Variants in DLG2 observed in about 807,000 individuals in gnomAD.
The protein encoded by DLG2 is discs large MAGUK scaffold protein 2, also known as disks large homolog 2.
DLG2 carries 45 observed loss-of-function variants against 132.5 expected under a neutral mutation model. The ratio of observed to expected loss-of-function variants is 0.34; its 90% CI spans 0.27 to 0.44. DLG2 has a LOEUF of 0.44. DLG2 is among the 20% of genes least tolerant of loss of function. DLG2 has a pLI of 1.00. For missense variants in DLG2, 1,045 were observed against 1,196.9 expected, an observed-to-expected ratio of 0.87 and a Z score of 1.87; for synonymous variants, 424 against 419.6, an observed-to-expected ratio of 1.01 and a Z score of -0.13.
At chr11:84,482,259 A>G (rs988565119) in intron 7 of DLG2, among the ~76,000 whole-genome samples, 1 of 152,202 alleles carries the variant, frequency 6.6e-6, no homozygotes, top group Non-Finnish European at 1.5e-5. Flanking sequence ...TCTTTAAAGC[A>G]GCTGCTTGCC....
intron 6 of DLG2, among the ~76,000 whole-genome samples, chr11:84,897,816 T>TA (rs2090398640): frequency 6.6e-6 from 1 of 151,992 alleles, no homozygotes; most frequent in East Asian, 1.9e-4. Context: ...GCATTTAAGG[T>TA]AATTTAACAC....
At chr11:85,379,989 C>A (rs1376701172) in intron 3 of DLG2, among the ~76,000 whole-genome samples, 1 of 152,134 alleles carries the variant, frequency 6.6e-6, no homozygotes, top group African/African-American at 2.4e-5. Context: ...AGATGAACAT[C>A]ATTTCCTATT....
In DLG2 at chr11:84,282,272, T is replaced by G. The variant is rs78348681; in HGVS notation, c.520-30981A>C. ...GGACAAACAAAAAGTACATACTATA[T>G]GATCTCACTTATATAAAATTATAGA... On this transcript the variant is annotated intron_variant, in intron 7 of 27. Transcript: ENST00000376104. Among the ~76,000 whole-genome samples, 394 of 152,314 alleles carry G rather than the reference T, an allele frequency of 2.6e-3. 1 individual carries two copies. Among genetic ancestry groups the G allele is most frequent in the African/African-American group, 9.0e-3 (374 of 41,568 alleles).
chr11:84,528,379 T>C (rs185693942), intron 7 of DLG2, among the ~76,000 whole-genome samples: 28 of 152,270 alleles, frequency 1.8e-4, no homozygotes, highest in African/African-American at 6.7e-4. Flanking sequence ...GCCCATCCTA[T>C]CACTTAGGCA....
intron 10 of DLG2, among the ~76,000 whole-genome samples, chr11:84,080,792 G>A (rs753684773): frequency 4.4e-4 from 67 of 152,086 alleles, no homozygotes; most frequent in Non-Finnish European, 2.6e-4. Flanking sequence ...TGGAGTTCCA[G>A]ACCAGCCTGG....
chr11:83,787,941 G>A (rs2040470229), intron 17 of DLG2, among the ~76,000 whole-genome samples: 2 of 152,230 alleles, frequency 1.3e-5, no homozygotes, highest in South Asian at 4.1e-4. Flanking sequence ...GGGACAATGA[G>A]TGGAGCACAA....
chr11:84,923,088 T>G (rs1239594356), intron 6 of DLG2: 1 of 1,613,912 alleles, frequency 6.2e-7, no homozygotes, highest in Non-Finnish European at 8.5e-7. Flanking sequence ...TTCACGTTAG[T>G]CCGGAGTGCA....
intron 7 of DLG2, among the ~76,000 whole-genome samples, chr11:84,511,765 G>A (rs576975536): frequency 2.2e-4 from 34 of 152,108 alleles, no homozygotes; most frequent in Non-Finnish European, 4.6e-4. Flanking sequence ...TTCAAGACTT[G>A]CTTGATGATA....
chr11:84,911,317 T>G (rs1401730976), intron 6 of DLG2, among the ~76,000 whole-genome samples: 1 of 151,976 alleles, frequency 6.6e-6, no homozygotes, highest in African/African-American at 2.4e-5. Flanking sequence ...ATAATTGTAC[T>G]GTTTTACTTA....
intron 4 of DLG2, among the ~76,000 whole-genome samples, chr11:85,195,168 T>C (rs1412412515): frequency 6.6e-6 from 1 of 152,120 alleles, no homozygotes; most frequent in Non-Finnish European, 1.5e-5. Context: ...TGGAGGAACA[T>C]CATAATTAGG....
At chr11:84,651,070 C>G (rs1222417286) in intron 6 of DLG2, among the ~76,000 whole-genome samples, 4 of 151,638 alleles carry the variant, frequency 2.6e-5, no homozygotes, top group East Asian at 1.9e-4. Flanking sequence ...CTTACTTGAC[C>G]TTTCTGAGCT....
intron 7 of DLG2, among the ~76,000 whole-genome samples, chr11:84,349,833 C>G (rs960355106): frequency 1.7e-5 from 2 of 116,356 alleles, no homozygotes; most frequent in African/African-American, 1.3e-4. Flanking sequence ...GACTCTGCCT[C>G]TAAAATATAT....
At chr11:85,024,186 T>G (rs1467160498) in intron 6 of DLG2, among the ~76,000 whole-genome samples, 1 of 152,070 alleles carries the variant, frequency 6.6e-6, no homozygotes, top group Non-Finnish European at 1.5e-5. Flanking sequence ...TATTGAAAAG[T>G]TAAGGCATTT....
intron 13 of DLG2, 146 bp from the exon 14 acceptor site, chr11:83,963,169 G>T: frequency 2.5e-6 from 2 of 786,382 alleles, no homozygotes. Flanking sequence ...GGGAGTTGCA[G>T]CTTATTTGCA....
chr11:83,499,531 C>G (rs539354295), intron 21 of DLG2, among the ~76,000 whole-genome samples: 20 of 151,812 alleles, frequency 1.3e-4, no homozygotes, highest in Non-Finnish European at 2.9e-5. Flanking sequence ...ACATTTCCAC[C>G]AGCAACCATT....
chr11:84,704,954 TTTAA>T (rs1165701819), intron 6 of DLG2, among the ~76,000 whole-genome samples: 1 of 149,728 alleles, frequency 6.7e-6, no homozygotes, highest in Non-Finnish European at 1.5e-5. Context: ...ATATTTTAAA[TTTAA>T]GTAGGCACAT....
chr11:83,919,641 T>C (rs550404369), intron 15 of DLG2, among the ~76,000 whole-genome samples: 3 of 152,284 alleles, frequency 2.0e-5, no homozygotes, highest in African/African-American at 7.2e-5. Flanking sequence ...CACATCTGGA[T>C]TGCATATCCT....
At chr11:83,734,960 C>T (rs891683008) in intron 18 of DLG2, among the ~76,000 whole-genome samples, 1 of 152,060 alleles carries the variant, frequency 6.6e-6, no homozygotes, top group Non-Finnish European at 1.5e-5. Context: ...GCGCCCCACA[C>T]AGATTGTGCA....
chr11:83,924,753 T>C (rs2078639948), intron 15 of DLG2, among the ~76,000 whole-genome samples: 1 of 152,134 alleles, frequency 6.6e-6, no homozygotes, highest in Non-Finnish European at 1.5e-5. Context: ...AAAATAAAGA[T>C]CTTGCTCTGC....
Sources: gnomAD v4.1 joint callset for allele counts (sites outside exome capture counted in the v4.1 genomes callset) on GRCh38, gnomAD v4.1.1 for gene constraint, MANE v1.5 for transcripts, NCBI Gene and HGNC (gene_info 2026-07-23, HGNC 2026-07-21) for gene names.